Variants in SORCS2 observed in about 807,000 individuals in gnomAD.
SORCS2 encodes sortilin related VPS10 domain containing receptor 2.
SORCS2 carries 100 observed loss-of-function variants against 141.6 expected under a neutral mutation model. That is an observed-to-expected ratio of 0.71 (90% CI 0.60 to 0.83). The LOEUF (loss-of-function observed/expected upper bound fraction) is 0.83. SORCS2 is among the 40% of genes least tolerant of loss of function. The pLI is 0.00. For missense variants in SORCS2, 1,646 were observed against 1,560.2 expected (o/e 1.05, Z -0.93); for synonymous variants, 789 against 676.9 (o/e 1.17, Z -2.57).
At chr4:7,548,567 G>A (rs1176807556) in intron 3 of SORCS2, among the ~76,000 whole-genome samples, 2 of 152,182 alleles carry the variant, frequency 1.3e-5, no homozygotes, top group African/African-American at 2.4e-5. Flanking sequence ...CAGGGAAGTG[G>A]CTCCTTCAGT....
chr4:7,410,539 A>G (rs1178453554), intron 2 of SORCS2, among the ~76,000 whole-genome samples: 1 of 152,220 alleles, frequency 6.6e-6, no homozygotes, highest in African/African-American at 2.4e-5. Context: ...ATGACAGCAG[A>G]CAATGCGTGT....
intron 2 of SORCS2, among the ~76,000 whole-genome samples, chr4:7,520,331 G>A (rs1007408730): frequency 5.3e-5 from 8 of 152,232 alleles, no homozygotes; most frequent in African/African-American, 9.6e-5. Flanking sequence ...TTCTCATGCA[G>A]TCAGTGAGAC....
chr4:7,667,003 G>A (rs1215220186), intron 7 of SORCS2, 121 bp from the exon 8 acceptor site: 8 of 871,390 alleles, frequency 9.2e-6, no homozygotes, highest in African/African-American at 1.7e-5. Flanking sequence ...AAGCAGAACA[G>A]GTAGAAGGAA....
intron 3 of SORCS2, among the ~76,000 whole-genome samples, chr4:7,543,971 T>TCCATCCAC (rs1713025903): frequency 4.9e-5 from 6 of 123,254 alleles, no homozygotes; most frequent in Non-Finnish European, 6.8e-5. Flanking sequence ...CATCCATCCA[T>TCCATCCAC]CCACCCATCC....
chr4:7,526,066 C>T (rs138982579), intron 2 of SORCS2, among the ~76,000 whole-genome samples: 1 of 152,354 alleles, frequency 6.6e-6, no homozygotes, highest in Non-Finnish European at 1.5e-5. Context: ...CACCTGTCCC[C>T]ACCTGCAACT....
rs73794385 is a variant in SORCS2 at position 7,701,094 on chromosome 4, G to A, written c.1669-2186G>A. Among the ~76,000 whole-genome samples, 1,187 of 152,274 alleles carry A rather than the reference G, an allele frequency of 7.8e-3. 18 individuals carry two copies. The highest frequency in any genetic ancestry group is 0.026 in the African/African-American group (1,098 of 41,558). On this transcript the variant is annotated intron_variant, in intron 12 of 26. Transcript: ENST00000507866. ...GCAGCAGCACCCCCACCAGGGAGGG[G>A]CTTAATCCTTCTTGGCCCTGGTGGC...
chr4:7,511,348 GGAGAGA>G (rs201320813), intron 2 of SORCS2, among the ~76,000 whole-genome samples: 9 of 127,230 alleles, frequency 7.1e-5, no homozygotes, highest in African/African-American at 2.1e-4. Flanking sequence ...AGAGAGGGAG[GGAGAGA>G]GAGAGAGAGA....
chr4:7,434,244 C>T, intron 2 of SORCS2: 1 of 1,613,584 alleles, frequency 6.2e-7, no homozygotes, highest in Non-Finnish European at 8.5e-7. Context: ...AGGACTCACA[C>T]TGCTCCTGGA....
At chr4:7,693,845 A>G (rs910804321) in intron 11 of SORCS2, among the ~76,000 whole-genome samples, 1 of 152,114 alleles carries the variant, frequency 6.6e-6, no homozygotes, top group African/African-American at 2.4e-5. Context: ...ACATGTCTAG[A>G]TGTGAGGGCG....
At chr4:7,600,478 C>A (rs536930082) in intron 3 of SORCS2, among the ~76,000 whole-genome samples, 1 of 152,054 alleles carries the variant, frequency 6.6e-6, no homozygotes, top group African/African-American at 2.4e-5. Context: ...ATGTTGATCG[C>A]GGGAGACAGG....
At chr4:7,552,381 G>A (rs1713778484) in intron 3 of SORCS2, among the ~76,000 whole-genome samples, 1 of 152,142 alleles carries the variant, frequency 6.6e-6, no homozygotes, top group Non-Finnish European at 1.5e-5. Flanking sequence ...GGGTGGCTTG[G>A]CCCTAAAATC....
intron 1 of SORCS2, among the ~76,000 whole-genome samples, chr4:7,214,823 A>G (rs11725639): frequency 0.33 from 50,529 of 152,110 alleles, 8,844 homozygotes; most frequent in East Asian, 0.54. Flanking sequence ...GGTGGACACG[A>G]AGGACGCCTG....
At chr4:7,675,357 C>T (rs554283534) in intron 8 of SORCS2, among the ~76,000 whole-genome samples, 3 of 152,292 alleles carry the variant, frequency 2.0e-5, no homozygotes, top group African/African-American at 7.2e-5. Context: ...TCTGCCTCCC[C>T]CTCCAGACTG....
At chr4:7,632,139 C>G (rs529900796) in intron 3 of SORCS2, among the ~76,000 whole-genome samples, 2 of 152,322 alleles carry the variant, frequency 1.3e-5, no homozygotes, top group African/African-American at 4.8e-5. Flanking sequence ...AGGGACTCAC[C>G]TGACCATGTG....
At chr4:7,520,120 T>G (rs1299979386) in intron 2 of SORCS2, among the ~76,000 whole-genome samples, 1 of 152,182 alleles carries the variant, frequency 6.6e-6, no homozygotes, top group Non-Finnish European at 1.5e-5. Context: ...GTGGACTCAC[T>G]TCCCAGTTTG....
chr4:7,199,256 G>T (rs1416246105), intron 1 of SORCS2, among the ~76,000 whole-genome samples: 1 of 152,210 alleles, frequency 6.6e-6, no homozygotes, highest in Non-Finnish European at 1.5e-5. Context: ...CGGGGTGGGG[G>T]CAGAGAGCCC....
intron 3 of SORCS2, among the ~76,000 whole-genome samples, chr4:7,621,599 ATG>A (rs1162995211): frequency 6.6e-6 from 1 of 151,880 alleles, no homozygotes; most frequent in African/African-American, 2.4e-5. Flanking sequence ...GTGTGTGTCT[ATG>A]TGTGTGTATT....
chr4:7,387,781 C>A (rs578121029), intron 1 of SORCS2, among the ~76,000 whole-genome samples: 1,955 of 147,346 alleles, frequency 0.013, 24 homozygotes, highest in Non-Finnish European at 0.018. Context: ...TGCACACACA[C>A]ATAGGTACAT....
intron 1 of SORCS2, among the ~76,000 whole-genome samples, chr4:7,386,576 GCA>G (rs1302823896): frequency 3.6e-5 from 3 of 82,238 alleles, no homozygotes; most frequent in Admixed American, 2.7e-4. Context: ...GCACACACAT[GCA>G]CACACATACA....
Sources: gnomAD v4.1 joint callset for allele counts (sites outside exome capture counted in the v4.1 genomes callset) on GRCh38, gnomAD v4.1.1 for gene constraint, MANE v1.5 for transcripts, NCBI Gene and HGNC (gene_info 2026-07-23, HGNC 2026-07-21) for gene names.